The following SND1 variants were observed in gnomAD, a reference collection of about 807,000 sequenced individuals.
SND1 encodes the protein staphylococcal nuclease and tudor domain containing 1, also known as staphylococcal nuclease domain-containing protein 1.
SND1 carries 38 observed loss-of-function variants against 121.7 expected under a neutral mutation model. That is an observed-to-expected ratio of 0.31 (90% CI 0.24 to 0.41). The LOEUF is 0.41. SND1 is among the 10% of genes least tolerant of loss of function. The probability of loss-of-function intolerance (pLI) is 1.00; values close to 1 mark genes in which losing one functional copy is unlikely to be tolerated. For synonymous variants in SND1, 401 were observed against 447.4 expected (o/e 0.90, Z 1.31); for missense variants, 868 against 1,184.6 (o/e 0.73, Z 3.92).
chr7:127,902,920 C>T (rs1224798734), intron 13 of SND1, among the ~76,000 whole-genome samples: 1 of 151,694 alleles, frequency 6.6e-6, no homozygotes, highest in African/African-American at 2.4e-5. Flanking sequence ...GAGTCTCTCT[C>T]GCCCAGGCTG....
At chr7:127,863,940 G>A (rs1339133877) in intron 12 of SND1, among the ~76,000 whole-genome samples, 2 of 152,032 alleles carry the variant, frequency 1.3e-5, no homozygotes, top group African/African-American at 2.4e-5. Flanking sequence ...AGGAATATAC[G>A]ATATACTTAT....
intron 15 of SND1, among the ~76,000 whole-genome samples, chr7:127,985,722 CCT>C (rs2116908732): frequency 6.6e-6 from 1 of 152,316 alleles, no homozygotes; most frequent in South Asian, 2.1e-4. Context: ...CCACAACAAT[CCT>C]CATCTTCCTG....
intron 12 of SND1, among the ~76,000 whole-genome samples, chr7:127,850,696 A>G (rs1352459120): frequency 1.3e-5 from 2 of 152,166 alleles, no homozygotes; most frequent in Non-Finnish European, 2.9e-5. Context: ...CCTTCCCAAA[A>G]AGAGCAGTTT....
intron 16 of SND1, among the ~76,000 whole-genome samples, chr7:127,996,265 G>A (rs1372221129): frequency 6.6e-6 from 1 of 152,216 alleles, no homozygotes. Context: ...ATGAAGGGGT[G>A]TATGTCTGGG....
At position 128,015,046 on chromosome 7, in the gene SND1, G is replaced by C. The variant is rs891569949; in HGVS notation, c.1779+23990G>C. ...GGCTGTTCTTGCACTTGAGCGGCTT[G>C]TTTGCCTGGACAGGTCCAAGCTGTC... On this transcript the variant is annotated intron_variant, in intron 16 of 23. Coordinates refer to ENST00000354725, the MANE Select transcript of SND1 (RefSeq NM_014390.4). This position sits in a 1 kb window ranked among gnomAD's most constrained non-coding sequence, Gnocchi z 4.5. Among the ~76,000 whole-genome samples, 1 of 152,210 alleles carries C rather than the reference G, an allele frequency of 6.6e-6. No homozygotes were observed. Among genetic ancestry groups the C allele is most frequent in the African/African-American group, 2.4e-5 (1 of 41,460 alleles).
intron 10 of SND1, among the ~76,000 whole-genome samples, chr7:127,731,525 T>A (rs566902407): frequency 6.6e-6 from 1 of 152,310 alleles, no homozygotes; most frequent in East Asian, 1.9e-4. Flanking sequence ...GATTGCCCCG[T>A]GGCTGCCTGC....
At chr7:127,796,890 CTTTTT>C (rs36078891) in intron 10 of SND1, among the ~76,000 whole-genome samples, 5 of 102,088 alleles carry the variant, frequency 4.9e-5, no homozygotes, top group Admixed American at 1.2e-4. Flanking sequence ...TTTCCTGAGT[CTTTTT>C]TTTTTTTTTT....
At chr7:127,757,026 A>G (rs1366313318) in intron 10 of SND1, among the ~76,000 whole-genome samples, 7 of 152,186 alleles carry the variant, frequency 4.6e-5, no homozygotes, top group Admixed American at 2.0e-4. Context: ...ATATGCATAA[A>G]CCAGTGTATC....
chr7:128,082,090 TG>T, intron 18 of SND1: 1 of 395,400 alleles, frequency 2.5e-6, no homozygotes, highest in Non-Finnish European at 5.2e-6. Context: ...GTGTGCACTG[TG>T]GCCAGGGTCC....
chr7:127,822,498 TTA>T (rs1798566130), intron 11 of SND1, among the ~76,000 whole-genome samples: 1 of 152,212 alleles, frequency 6.6e-6, no homozygotes, highest in Admixed American at 6.5e-5. Context: ...CTGTCTTTGT[TTA>T]TGATACTGCA....
At chr7:128,028,729 A>G in intron 16 of SND1, 1 of 1,614,064 alleles carries the variant, frequency 6.2e-7, no homozygotes, top group Non-Finnish European at 8.5e-7. Context: ...TGAATTATAT[A>G]AGGTTCAGAG....
rs919893026 is a variant in SND1 at position 127,816,662 on chromosome 7, C to CTT, written c.1242+9107_1242+9108dup. 1.5e-3 allele frequency among the ~76,000 whole-genome samples: 199 copies of CTT among 135,226 alleles called. 1 individual carries two copies. Among genetic ancestry groups the CTT allele is most frequent in the African/African-American group, 2.8e-3 (101 of 35,996 alleles). 88.7% of individuals were successfully genotyped at this position (135,226 alleles called of 152,430 possible). A position where few individuals can be genotyped will look rare whatever the true frequency, so the allele number is the denominator to read the frequency against. Reference sequence around the variant, plus strand: ...GTAACACCAATTCATTTCTCAAACTCTTTTTTTTTTTTTTTTTTTGTAACA... The same window carrying CTT: ...GTAACACCAATTCATTTCTCAAACTCTTTTTTTTTTTTTTTTTTTTTGTAACA... On this transcript the variant is annotated intron_variant, in intron 11 of 23. Transcript: ENST00000354725.
rs775651894 is a variant in SND1 at position 128,074,491 on chromosome 7, C to T, written c.1780-11C>T. 1 of 1,605,868 alleles carries T rather than the reference C, an allele frequency of 6.2e-7. No homozygotes were observed. Among genetic ancestry groups the T allele is most frequent in the Non-Finnish European group, 8.5e-7 (1 of 1,174,602 alleles). ...GGCCCCCACAGGCTTACGCCTGTCT[C>T]TCTGTCCCAGGTGGAGGTGGAGGTG... On this transcript the variant is annotated splice_polypyrimidine_tract_variant and intron_variant, in intron 16 of 23. Coordinates refer to ENST00000354725, the MANE Select transcript of SND1 (RefSeq NM_014390.4).
intron 15 of SND1, among the ~76,000 whole-genome samples, chr7:127,932,957 G>C (rs1187376325): frequency 6.6e-6 from 1 of 152,154 alleles, no homozygotes; most frequent in Non-Finnish European, 1.5e-5. Context: ...AGGTATGCCT[G>C]TATATATTCA....
At chr7:127,795,135 A>G (rs899586406) in intron 10 of SND1, among the ~76,000 whole-genome samples, 1 of 152,212 alleles carries the variant, frequency 6.6e-6, no homozygotes, top group Non-Finnish European at 1.5e-5. Context: ...CTTCACAACT[A>G]TTAGCTAGGT....
intron 16 of SND1, among the ~76,000 whole-genome samples, chr7:128,037,300 T>C (rs1387456079): frequency 6.6e-6 from 1 of 152,184 alleles, no homozygotes; most frequent in Non-Finnish European, 1.5e-5. Flanking sequence ...ATCACTTCAG[T>C]CTCTGCCTCC....
At chr7:128,071,536 G>A (rs917809810) in intron 16 of SND1, among the ~76,000 whole-genome samples, 25 of 152,226 alleles carry the variant, frequency 1.6e-4, no homozygotes, top group African/African-American at 5.5e-4. Flanking sequence ...TAATGTTACA[G>A]TTAAGTCATA....
intron 15 of SND1, among the ~76,000 whole-genome samples, chr7:127,940,968 G>A (rs79881041): frequency 2.0e-5 from 3 of 152,212 alleles, no homozygotes; most frequent in African/African-American, 7.2e-5. Flanking sequence ...CCATGTATGG[G>A]GGGCTCTGAG....
At chr7:128,010,879 C>G (rs774288494) in intron 16 of SND1, among the ~76,000 whole-genome samples, 2 of 152,198 alleles carry the variant, frequency 1.3e-5, no homozygotes, top group Non-Finnish European at 2.9e-5. Flanking sequence ...CCTGTGGAGC[C>G]GCCAACACTG....
Sources: allele counts gnomAD v4.1 joint callset (sites outside exome capture counted in the v4.1 genomes callset), GRCh38; gene constraint gnomAD v4.1.1; non-coding constraint Gnocchi (gnomAD v3.1); transcripts MANE v1.5; gene names NCBI Gene and HGNC (gene_info 2026-07-23, HGNC 2026-07-21).